Variants in AIG1 observed in about 807,000 individuals in gnomAD.
AIG1 encodes the protein androgen induced 1.
In AIG1, 23 loss-of-function variants were observed where a neutral mutation model predicts 31.4. That is an observed-to-expected ratio of 0.73 (90% CI 0.53 to 1.04). The LOEUF is 1.04. Ranked by LOEUF, AIG1 falls within the 50% of genes least tolerant of loss-of-function variation. The probability of loss-of-function intolerance (pLI) is 0.00; values close to 1 mark genes in which losing one functional copy is unlikely to be tolerated. For missense variants in AIG1, 274 were observed against 295.0 expected (o/e 0.93, Z 0.52); for synonymous variants, 100 against 110.5 (o/e 0.90, Z 0.60).
intron 3 of AIG1, among the ~76,000 whole-genome samples, chr6:143,218,034 G>A (rs967096793): frequency 1.3e-5 from 2 of 152,296 alleles, no homozygotes; most frequent in South Asian, 2.1e-4. Flanking sequence ...TTATTTTAGC[G>A]TGAATGTTTT....
intron 1 of AIG1, among the ~76,000 whole-genome samples, chr6:143,119,841 A>G (rs552974161): frequency 2.6e-5 from 4 of 152,370 alleles, no homozygotes; most frequent in Admixed American, 1.3e-4. Flanking sequence ...CATTCAAGAT[A>G]TTTTGAAGTC....
At chr6:143,307,577 T>A (rs1046202231) in intron 4 of AIG1, among the ~76,000 whole-genome samples, 1 of 152,054 alleles carries the variant, frequency 6.6e-6, no homozygotes, top group East Asian at 1.9e-4. Flanking sequence ...CTCAGAGGAG[T>A]ACCTGGCAGT....
intron 1 of AIG1, among the ~76,000 whole-genome samples, chr6:143,079,643 G>A (rs190406066): frequency 7.0e-4 from 106 of 152,108 alleles, no homozygotes; most frequent in African/African-American, 2.5e-3. Flanking sequence ...ACATTTTTCC[G>A]TGCCATTATA....
intron 1 of AIG1, among the ~76,000 whole-genome samples, chr6:143,065,187 C>A (rs964199479): frequency 1.3e-5 from 2 of 152,246 alleles, no homozygotes; most frequent in African/African-American, 4.8e-5. Flanking sequence ...TTTTCGGTTG[C>A]CCCAGACTTC....
chr6:143,188,002 A>G (rs1470598600), intron 3 of AIG1: 1 of 1,137,036 alleles, frequency 8.8e-7, no homozygotes, highest in African/African-American at 1.6e-5. Context: ...GTAATGGAGA[A>G]CTTTGGCATA....
chr6:143,231,779 A>T (rs1198937718), intron 3 of AIG1, among the ~76,000 whole-genome samples: 1 of 152,238 alleles, frequency 6.6e-6, no homozygotes, highest in Non-Finnish European at 1.5e-5. Context: ...CTTACAGCAC[A>T]TGTCAGTTTA....
chr6:143,257,227 T>A lies in AIG1; in HGVS notation c.400-26883T>A, dbSNP rs76182453. 6.4e-3 allele frequency among the ~76,000 whole-genome samples: 970 copies of A among 152,340 alleles called. 8 individuals are homozygous for A. The highest frequency in any genetic ancestry group is 0.022 in the African/African-American group (935 of 41,564). On this transcript the variant is annotated intron_variant, in intron 3 of 5. Coordinates refer to ENST00000357847, the MANE Select transcript of AIG1 (RefSeq NM_016108.4). ...TCCAAGATCCTGTGGTCTCATCCAT[T>A]CCTGGAGTCAAGAACACCTGAATCA...
Position 143,335,007 on chromosome 6 carries a change from A to G in AIG1, c.679+1562A>G, listed in dbSNP as rs778083730. On this transcript the variant is annotated intron_variant, in intron 5 of 5. Transcript: ENST00000357847. ...TTTGTTTAATTTATGCCATTCTTTT[A>G]AGTAACATAAGATTGACTAACTTTT... is the stretch of plus-strand genomic sequence containing the variant. 106 of 1,126,788 alleles carry G rather than the reference A, an allele frequency of 9.4e-5. No homozygotes were observed. The African/African-American group carries it at 1.4e-3, about 15-fold the overall frequency. 69.8% of individuals were successfully genotyped at this position (1,126,788 alleles called of 1,614,324 possible). A position where few individuals can be genotyped will look rare whatever the true frequency, so the allele number is the denominator to read the frequency against.
intron 3 of AIG1, among the ~76,000 whole-genome samples, chr6:143,185,008 C>T (rs1195818409): frequency 1.3e-5 from 2 of 151,804 alleles, no homozygotes; most frequent in African/African-American, 4.8e-5. Flanking sequence ...CCATTCTGGC[C>T]GACATGGTGA....
At chr6:143,278,930 A>C (rs920339694) in intron 3 of AIG1, among the ~76,000 whole-genome samples, 16 of 151,874 alleles carry the variant, frequency 1.1e-4, no homozygotes, top group African/African-American at 3.9e-4. Context: ...CATTTATGAG[A>C]GTTTACATAC....
At chr6:143,335,219 T>C (rs1160601178) in intron 5 of AIG1, 13 of 1,110,742 alleles carry the variant, frequency 1.2e-5, no homozygotes, top group Non-Finnish European at 1.4e-5. Flanking sequence ...GAATTTTTGT[T>C]TTTGAATCAG....
At chr6:143,290,422 C>T (rs995332213) in intron 4 of AIG1, among the ~76,000 whole-genome samples, 5 of 152,188 alleles carry the variant, frequency 3.3e-5, no homozygotes, top group African/African-American at 1.2e-4. Context: ...CAGTGGCCTG[C>T]CAGCACTTGG....
chr6:143,320,502 A>AGAATG (rs1199855443), intron 4 of AIG1, among the ~76,000 whole-genome samples: 1 of 152,260 alleles, frequency 6.6e-6, no homozygotes, highest in Admixed American at 6.5e-5. Context: ...GTATAGACAT[A>AGAATG]GAATGGAATG....
intron 1 of AIG1, among the ~76,000 whole-genome samples, chr6:143,065,826 T>A (rs1016693126): frequency 6.6e-6 from 1 of 152,214 alleles, no homozygotes; most frequent in African/African-American, 2.4e-5. Flanking sequence ...AACCATGAAC[T>A]GGATTTTTTA....
In AIG1 at chr6:143,186,198, C is replaced by G. The variant is rs374826298; in HGVS notation, c.399+21015C>G. Among the ~76,000 whole-genome samples, 18 of 152,314 alleles carry G rather than the reference C, an allele frequency of 1.2e-4. No individual in the cohort carries two copies. In the South Asian group the frequency reaches 3.7e-3, roughly 32 times the overall value. On this transcript the variant is annotated intron_variant, in intron 3 of 5. Coordinates refer to ENST00000357847, the MANE Select transcript of AIG1 (RefSeq NM_016108.4). ...TGTCTCCATGGAGCCTTGTAAACAT[C>G]TAGTTAGAGATGCTGCTAAATTTAA...
At chr6:143,301,340 C>A (rs1390219800) in intron 4 of AIG1, among the ~76,000 whole-genome samples, 8 of 152,186 alleles carry the variant, frequency 5.3e-5, no homozygotes, top group Non-Finnish European at 5.9e-5. Context: ...AAGGAGCTCA[C>A]CACAAAGGCC....
Position 143,327,656 on chromosome 6 carries a change from C to A in AIG1, c.516-5626C>A. On this transcript the variant is annotated intron_variant, in intron 4 of 5. Transcript: ENST00000357847. The surrounding 1 kb of genome is among the most constrained non-coding windows in gnomAD (Gnocchi z 5.3). Reference sequence around the variant, plus strand: ...GATAGTCAATGTGGATGAGAACTAACTGCTGATTGTCAAATACATCAAATA... The same window carrying A: ...GATAGTCAATGTGGATGAGAACTAAATGCTGATTGTCAAATACATCAAATA... 4.7e-6 allele frequency: 1 copy of A among 210,950 alleles called. No individual in the cohort carries two copies. Among genetic ancestry groups the A allele is most frequent in the Non-Finnish European group, 9.3e-6 (1 of 106,976 alleles). 13.1% of individuals were successfully genotyped at this position (210,950 alleles called of 1,614,324 possible).
At chr6:143,103,302 T>C (rs1454678702) in intron 1 of AIG1, among the ~76,000 whole-genome samples, 1 of 152,062 alleles carries the variant, frequency 6.6e-6, no homozygotes, top group African/African-American at 2.4e-5. Context: ...CCCTTCCAAT[T>C]ATTGTTGGAT....
At chr6:143,137,139 A>C (rs1783835265) in intron 2 of AIG1, 149 bp downstream of exon 2, 2 of 848,716 alleles carry the variant, frequency 2.4e-6, no homozygotes, top group African/African-American at 3.5e-5. Context: ...TGGCTTAAAC[A>C]ACAAACATTT....
Sources: allele counts gnomAD v4.1 joint callset (sites outside exome capture counted in the v4.1 genomes callset), GRCh38; gene constraint gnomAD v4.1.1; non-coding constraint Gnocchi (gnomAD v3.1); transcripts MANE v1.5; gene names NCBI Gene and HGNC (gene_info 2026-07-23, HGNC 2026-07-21).